Variants in LRRTM3 observed in about 807,000 individuals in gnomAD.
The protein encoded by LRRTM3 is leucine-rich repeat transmembrane neuronal protein 3.
Under a neutral mutation model 44.7 loss-of-function variants are expected in LRRTM3, and 24 were observed. The observed-to-expected ratio is 0.54, with a 90% CI of 0.39 to 0.76. The LOEUF is 0.76. Among genes scored for constraint, LRRTM3 ranks in the 30% least tolerant of loss-of-function variants. LRRTM3 has a pLI of 0.00. For synonymous variants in LRRTM3, 277 were observed against 278.7 expected, an observed-to-expected ratio of 0.99 and a Z score of 0.06; for missense variants, 587 against 702.2, an observed-to-expected ratio of 0.84 and a Z score of 1.85.
rs780688164 is a variant in LRRTM3 at position 66,934,773 on chromosome 10, A to C, written c.1536+6321A>C. Among the ~76,000 whole-genome samples the C allele has an allele frequency of 1.8e-3, 278 of 152,282 alleles. 2 individuals carry two copies. The highest frequency in any genetic ancestry group is 1.8e-3 in the Non-Finnish European group (121 of 67,996). On this transcript the variant is annotated intron_variant, in intron 2 of 2. Coordinates refer to ENST00000361320, the MANE Select transcript of LRRTM3 (RefSeq NM_178011.5). The stretch of plus-strand genomic sequence containing the variant: ...TAAAATATAGTTTTTTTGGCCTGGC[A>C]TATAAAATAGTAAGGCAAATACTAC...
At chr10:67,000,324 T>C (rs1851604074) in intron 2 of LRRTM3, among the ~76,000 whole-genome samples, 1 of 152,190 alleles carries the variant, frequency 6.6e-6, no homozygotes, top group Non-Finnish European at 1.5e-5. Flanking sequence ...AGGCTGCCCT[T>C]ACTCTTGCTG....
chr10:67,093,650 C>T (rs926614336), intron 2 of LRRTM3, among the ~76,000 whole-genome samples: 3 of 151,722 alleles, frequency 2.0e-5, no homozygotes, highest in Non-Finnish European at 4.4e-5. Flanking sequence ...AGGACATACC[C>T]TCCCAACAAA....
intron 2 of LRRTM3, among the ~76,000 whole-genome samples, chr10:66,991,460 G>A (rs1316524932): frequency 1.3e-5 from 2 of 152,026 alleles, no homozygotes; most frequent in Non-Finnish European, 2.9e-5. Flanking sequence ...TATTTATTTT[G>A]ATTTTTGAAG....
intron 2 of LRRTM3, among the ~76,000 whole-genome samples, chr10:66,986,493 T>C (rs1850734697): frequency 1.0e-5 from 1 of 99,708 alleles, no homozygotes; most frequent in Admixed American, 9.7e-5. Context: ...CAAGACTCCA[T>C]CTTGCTAAAC....
intron 2 of LRRTM3, among the ~76,000 whole-genome samples, chr10:67,032,720 G>A (rs1456357940): frequency 1.3e-5 from 2 of 152,100 alleles, no homozygotes; most frequent in African/African-American, 2.4e-5. Context: ...ATAATATCCT[G>A]TGTAAAAGAA....
intron 2 of LRRTM3, among the ~76,000 whole-genome samples, chr10:66,952,196 CAA>C (rs2132725558): frequency 6.6e-6 from 1 of 152,276 alleles, no homozygotes; most frequent in East Asian, 1.9e-4. Flanking sequence ...CACACAGTGG[CAA>C]AAGTCTTTGC....
intron 2 of LRRTM3, among the ~76,000 whole-genome samples, chr10:66,975,777 C>A (rs144284539): frequency 6.6e-6 from 1 of 152,288 alleles, no homozygotes; most frequent in East Asian, 1.9e-4. Context: ...CTATTTAGCA[C>A]TCCTTTCTGT....
chr10:66,970,358 C>A (rs1351325972), intron 2 of LRRTM3, among the ~76,000 whole-genome samples: 1 of 152,106 alleles, frequency 6.6e-6, no homozygotes, highest in African/African-American at 2.4e-5. Flanking sequence ...ATATTACCTG[C>A]ATACACAGTC....
At chr10:66,980,322 A>C (rs1332486125) in intron 2 of LRRTM3, among the ~76,000 whole-genome samples, 1 of 152,126 alleles carries the variant, frequency 6.6e-6, no homozygotes, top group Non-Finnish European at 1.5e-5. Flanking sequence ...TTCAGCAGCC[A>C]AACACTAGGG....
intron 2 of LRRTM3, among the ~76,000 whole-genome samples, chr10:67,007,609 G>T (rs1160613319): frequency 1.3e-5 from 2 of 151,742 alleles, no homozygotes; most frequent in Non-Finnish European, 2.9e-5. Flanking sequence ...TAAGGTAAAG[G>T]CTTTTTTCTG....
intron 2 of LRRTM3, among the ~76,000 whole-genome samples, chr10:67,010,061 G>GA (rs1852225401): frequency 1.3e-5 from 2 of 152,134 alleles, no homozygotes; most frequent in African/African-American, 4.8e-5. Context: ...CTGAGTCAGG[G>GA]CTCTTTAGAA....
chr10:66,966,395 G>A (rs1849412252), intron 2 of LRRTM3, among the ~76,000 whole-genome samples: 1 of 151,898 alleles, frequency 6.6e-6, no homozygotes, highest in African/African-American at 2.4e-5. Context: ...TAATTTATTT[G>A]ATGTCATTAC....
chr10:67,077,525 G>A (rs958878949), intron 2 of LRRTM3, among the ~76,000 whole-genome samples: 6 of 152,006 alleles, frequency 3.9e-5, no homozygotes, highest in South Asian at 2.1e-4. Context: ...TTTGCACAAT[G>A]TTACCTTGGC....
chr10:66,953,001 T>C (rs1025630584), intron 2 of LRRTM3, among the ~76,000 whole-genome samples: 8 of 152,034 alleles, frequency 5.3e-5, no homozygotes, highest in African/African-American at 1.9e-4. Flanking sequence ...GAGCTATTAA[T>C]ATGATTCCCA....
At position 67,078,666 on chromosome 10, in the gene LRRTM3, A is replaced by G. The variant is rs185337513; in HGVS notation, c.1537-18921A>G. Among the ~76,000 whole-genome samples, 358 of 152,062 alleles carry G rather than the reference A, an allele frequency of 2.4e-3. 4 individuals are homozygous for G. The highest frequency in any genetic ancestry group is 0.01 in the Middle Eastern group (3 of 294). ...CAAGTAGCTGGGATTACAGGCACCCACCACCACACCTGGCTAATTCTTTGT... is the reference window on the plus strand; with the variant it reads ...CAAGTAGCTGGGATTACAGGCACCCGCCACCACACCTGGCTAATTCTTTGT... On this transcript the variant is annotated intron_variant, in intron 2 of 2. Coordinates refer to ENST00000361320, the MANE Select transcript of LRRTM3 (RefSeq NM_178011.5).
chr10:66,936,537 AGT>A (rs955873815), intron 2 of LRRTM3, among the ~76,000 whole-genome samples: 4 of 151,978 alleles, frequency 2.6e-5, no homozygotes, highest in Admixed American at 2.6e-4. Flanking sequence ...TAATTCTTTG[AGT>A]GCACTGCCTT....
intron 2 of LRRTM3, among the ~76,000 whole-genome samples, chr10:67,088,019 A>C (rs1857405822): frequency 1.3e-5 from 2 of 152,018 alleles, no homozygotes; most frequent in Admixed American, 1.3e-4. Flanking sequence ...ATAATCTAAA[A>C]ACAGACATAT....
At chr10:67,084,510 A>G (rs1430586846) in intron 2 of LRRTM3, among the ~76,000 whole-genome samples, 1 of 151,950 alleles carries the variant, frequency 6.6e-6, no homozygotes, top group Non-Finnish European at 1.5e-5. Flanking sequence ...TCACAGCAGA[A>G]CACCCTCAGC....
rs562461706 is a variant in LRRTM3, at chr10:67,099,628, T to G, written c.*1832T>G. 1.3e-5 allele frequency: 2 copies of G among 152,190 alleles called. No individual in the cohort carries two copies. The allele number at this position is 152,190 out of a possible 1,614,324, so 9.4% of individuals were successfully genotyped here. A position where few individuals can be genotyped will look rare whatever the true frequency, so the allele number is the denominator to read the frequency against. On this transcript the variant is annotated 3_prime_UTR_variant, in exon 3 of 3. Transcript: ENST00000361320. ...GGAGCAAATTTTTGTTGAAAATATA[T>G]AAAGTCAGAAAGAAAAAAGATGTAA...
Sources: gnomAD v4.1 joint callset for allele counts (sites outside exome capture counted in the v4.1 genomes callset) on GRCh38, gnomAD v4.1.1 for gene constraint, MANE v1.5 for transcripts, NCBI Gene and HGNC (gene_info 2026-07-23, HGNC 2026-07-21) for gene names.